HTR2B: variants seen among roughly 807,000 people sequenced by gnomAD.
HTR2B encodes 5-HT 2B receptor.
In HTR2B, 31 loss-of-function variants were observed where a neutral mutation model predicts 39.8. That is an observed-to-expected ratio of 0.78 (90% confidence interval 0.58 to 1.05). The LOEUF (loss-of-function observed/expected upper bound fraction) is 1.05. Among genes scored for constraint, HTR2B ranks in the 50% least tolerant of loss-of-function variants. HTR2B has a pLI of 0.00. For missense variants in HTR2B, 562 were observed against 578.0 expected (o/e 0.97, Z 0.28); for synonymous variants, 210 against 207.1 (o/e 1.01, Z -0.12).
chr2:231,121,158 C>T (rs1398291283), intron 2 of HTR2B, among the ~76,000 whole-genome samples: 1 of 152,120 alleles, frequency 6.6e-6, no homozygotes, highest in East Asian at 1.9e-4. Context: ...TAAAAATCTA[C>T]AAACCCCACT....
rs1294495286 is a variant in HTR2B, at chr2:231,108,510, A to G, written c.*7T>C. ...ATCATTATGTTTGATGACAACTGCC[A>G]GTTCTGCTATACATAACTAACTTGC... On this transcript the variant is annotated 3_prime_UTR_variant, in exon 4 of 4. Transcript: ENST00000258400. The G allele has an allele frequency of 1.9e-6, 3 of 1,608,258 alleles. No homozygotes were observed. The highest frequency in any genetic ancestry group is 3.3e-5 in the Admixed American group (2 of 59,986).
chr2:231,122,710 C>G (rs886798326), intron 2 of HTR2B, among the ~76,000 whole-genome samples: 2 of 152,090 alleles, frequency 1.3e-5, no homozygotes, highest in South Asian at 4.2e-4. Context: ...TCAAACTATA[C>G]CTTTTATTAT....
rs61731726 is a variant in HTR2B, at chr2:231,123,613, C to A, written c.152G>T (p.Gly51Val). The change falls in exon 2 of 4, where the codon GGA (glycine) becomes GTA (valine). Residue 51 changes from glycine (G) to valine (V), a missense_variant. Coordinates refer to ENST00000258400, the MANE Select transcript of HTR2B (RefSeq NM_000867.5). ...EEMKQIVEEQGNKLHWAALLI... is the reference protein window; with the variant it reads ...EEMKQIVEEQVNKLHWAALLI... ...AAGAGCTGCCCAGTGCAGTTTATTT[C>A]CCTGTTCCTCAACAATCTGTTTCAT... 7 of 1,613,948 alleles carry A rather than the reference C, an allele frequency of 4.3e-6. No homozygotes were observed. In the African/African-American group the frequency reaches 9.3e-5, roughly 22 times the overall value.
At chr2:231,116,310 G>A (rs1210622574) in intron 2 of HTR2B, among the ~76,000 whole-genome samples, 1 of 152,122 alleles carries the variant, frequency 6.6e-6, no homozygotes, top group Non-Finnish European at 1.5e-5. Context: ...AAGTAGGGTG[G>A]TAGGAAAATA....
chr2:231,113,566 G>A (rs898456755), intron 3 of HTR2B, among the ~76,000 whole-genome samples, 163 bp downstream of exon 3: 5 of 152,186 alleles, frequency 3.3e-5, no homozygotes, highest in African/African-American at 1.2e-4. Context: ...TGTTTTAGAA[G>A]GCGTATGATA....
Position 231,124,042 on chromosome 2 carries a change from G to GGA in HTR2B, c.-280_-279dup. ...GAAACTGATAGCTGTGAAAAAAATA[G>GGA]GATATATATATATTTTTAGTTTCTC... On this transcript the variant is annotated 5_prime_UTR_variant, in exon 2 of 4. The change abolishes the stop of an existing upstream ORF in the 5' untranslated region. Transcript: ENST00000258400. 5.5e-6 allele frequency: 2 copies of GGA among 364,682 alleles called. No homozygotes were observed. The highest frequency in any genetic ancestry group is 1.0e-5 in the Non-Finnish European group (2 of 194,700). 22.6% of individuals were successfully genotyped at this position (364,682 alleles called of 1,614,324 possible). A position where few individuals can be genotyped will look rare whatever the true frequency, so the allele number is the denominator to read the frequency against.
intron 3 of HTR2B, among the ~76,000 whole-genome samples, chr2:231,111,062 T>G (rs1027881652): frequency 6.6e-6 from 1 of 152,252 alleles, no homozygotes; most frequent in African/African-American, 2.4e-5. Context: ...TCCATGACAT[T>G]TGTTCATCTT....
chr2:231,108,913 A>T lies in HTR2B; in HGVS notation c.1050T>A (p.Cys350Ter), dbSNP rs774540124. ...FFITNITLVL[C>*]DSCNQTTLQM... is the part of the protein sequence containing the mutation. ...GGAGAGTAGTTTGGTTACAGGAATC[A>T]CATAAAACTAAAGTTATATTTGTAA... is the stretch of plus-strand genomic sequence containing the variant. Residue 350 changes from cysteine to a stop codon, truncating the protein, a stop_gained, in exon 4 of 4, where the codon TGT (cysteine) becomes TGA (stop). Coordinates refer to ENST00000258400, the MANE Select transcript of HTR2B (RefSeq NM_000867.5). LOFTEE classifies it high-confidence loss of function. 1.1e-5 allele frequency: 17 copies of T among 1,614,044 alleles called. No individual in the cohort carries two copies. The highest frequency in any genetic ancestry group is 1.7e-6 in the Non-Finnish European group (2 of 1,180,036).
chr2:231,110,302 A>T (rs1695114477), intron 3 of HTR2B, among the ~76,000 whole-genome samples: 1 of 152,184 alleles, frequency 6.6e-6, no homozygotes, highest in African/African-American at 2.4e-5. Context: ...GCTCAGCGAC[A>T]AAGTAAGACT....
intron 3 of HTR2B, among the ~76,000 whole-genome samples, chr2:231,111,564 A>G (rs1695157344): frequency 6.6e-6 from 1 of 152,254 alleles, no homozygotes; most frequent in South Asian, 2.1e-4. Context: ...TAAATCCAAA[A>G]GAAGAGAGTG....
chr2:231,118,954 A>G (rs1695439311), intron 2 of HTR2B, among the ~76,000 whole-genome samples: 1 of 151,842 alleles, frequency 6.6e-6, no homozygotes, highest in Non-Finnish European at 1.5e-5. Context: ...CAGAAATTCT[A>G]ATGCTTCTGT....
At chr2:231,120,810 C>T (rs774153286) in intron 2 of HTR2B, among the ~76,000 whole-genome samples, 7 of 152,262 alleles carry the variant, frequency 4.6e-5, no homozygotes, top group Admixed American at 6.5e-5. Context: ...GAACCAAGAA[C>T]GCTTGTTTGT....
chr2:231,108,477 T>C lies in HTR2B; in HGVS notation c.*40A>G, dbSNP rs184235052. On this transcript the variant is annotated 3_prime_UTR_variant, in exon 4 of 4. Coordinates refer to ENST00000258400, the MANE Select transcript of HTR2B (RefSeq NM_000867.5). ...TGGCACATTTACATCTCATTCATCATCTTACTCATCATTATGTTTGATGAC... is the reference window on the plus strand; with the variant it reads ...TGGCACATTTACATCTCATTCATCACCTTACTCATCATTATGTTTGATGAC... 7 of 1,462,068 alleles carry C rather than the reference T, an allele frequency of 4.8e-6. No homozygotes were observed. In the African/African-American group the frequency reaches 8.3e-5, roughly 17 times the overall value. The allele number at this position is 1,462,068 out of a possible 1,614,324, so 90.6% of individuals were successfully genotyped here.
At chr2:231,115,682 A>T (rs1224402640) in intron 2 of HTR2B, among the ~76,000 whole-genome samples, 1 of 152,134 alleles carries the variant, frequency 6.6e-6, no homozygotes. Flanking sequence ...CAGATGAGTA[A>T]ATTCAGGTAT....
At chr2:231,113,552 A>G (rs947736443) in intron 3 of HTR2B, among the ~76,000 whole-genome samples, 177 bp downstream of exon 3, 2 of 152,236 alleles carry the variant, frequency 1.3e-5, no homozygotes, top group Non-Finnish European at 2.9e-5. Flanking sequence ...TTTTACCAAC[A>G]GTATGTTTTA....
chr2:231,123,308 G>A (rs2125232490), intron 2 of HTR2B, 105 bp downstream of exon 2: 1 of 863,826 alleles, frequency 1.2e-6, no homozygotes, highest in East Asian at 2.6e-5. Context: ...AATAGTCCAA[G>A]TTCATCTTTT....
chr2:231,120,976 G>A (rs977887207), intron 2 of HTR2B, among the ~76,000 whole-genome samples: 3 of 152,190 alleles, frequency 2.0e-5, no homozygotes, highest in African/African-American at 7.2e-5. Context: ...CTTGGTATTT[G>A]AAGTCAGGTT....
Position 231,113,733 on chromosome 2 carries a change from T to C in HTR2B, c.549A>G (p.Ser183=). ...FIKITVVWLI[S]IGIAIPVPIK... Reference sequence around the variant, plus strand: ...ACTCTGGCATTCTCTACATACCTATTGAAATTAACCACACCACTGTAATCT... The same window carrying C: ...ACTCTGGCATTCTCTACATACCTATCGAAATTAACCACACCACTGTAATCT... The change falls in exon 3 of 4, where the codon TCA becomes TCG. Residue 183 remains serine, a synonymous_variant. Transcript: ENST00000258400. 1 of 1,613,390 alleles carries C rather than the reference T, an allele frequency of 6.2e-7. No homozygotes were observed. The highest frequency in any genetic ancestry group is 8.5e-7 in the Non-Finnish European group (1 of 1,179,394).
rs769725741 is a variant in HTR2B, at chr2:231,123,795, C to T, written c.-31G>A. ...GTTTTTCTGTGATTCAATCCCGTTCCGAACAGTGGTCAGCATGGTTAGTAG... is the reference window on the plus strand; with the variant it reads ...GTTTTTCTGTGATTCAATCCCGTTCTGAACAGTGGTCAGCATGGTTAGTAG... On this transcript the variant is annotated 5_prime_UTR_variant, in exon 2 of 4. Coordinates refer to ENST00000258400, the MANE Select transcript of HTR2B (RefSeq NM_000867.5). 3.3e-6 allele frequency: 5 copies of T among 1,501,748 alleles called. No homozygotes were observed. The highest frequency in any genetic ancestry group is 2.3e-5 in the East Asian group (1 of 44,362). The allele number at this position is 1,501,748 out of a possible 1,614,324, so 93.0% of individuals were successfully genotyped here.
Sources: allele counts gnomAD v4.1 joint callset (sites outside exome capture counted in the v4.1 genomes callset), GRCh38; gene constraint gnomAD v4.1.1; transcripts MANE v1.5; gene names NCBI Gene and HGNC (gene_info 2026-07-23, HGNC 2026-07-21).